The following ST3GAL3 variants were observed in gnomAD, a reference collection of about 807,000 sequenced individuals.
ST3GAL3 encodes the protein CMP-N-acetylneuraminate-beta-1,4-galactoside alpha-2,3-sialyltransferase.
Under a neutral mutation model 50.1 loss-of-function variants are expected in ST3GAL3, and 21 were observed. That is an observed-to-expected ratio of 0.42 (90% CI 0.30 to 0.60). ST3GAL3 has a LOEUF of 0.60. Among genes scored for constraint, ST3GAL3 ranks in the 20% least tolerant of loss-of-function variants. The pLI is 0.19. For synonymous variants in ST3GAL3, 183 were observed against 190.0 expected (o/e 0.96, Z 0.30); for missense variants, 353 against 489.4 (o/e 0.72, Z 2.63).
intron 1 of ST3GAL3, among the ~76,000 whole-genome samples, chr1:43,710,615 T>G (rs968467965): frequency 2.0e-5 from 3 of 152,266 alleles, no homozygotes; most frequent in African/African-American, 7.2e-5. Flanking sequence ...ACTGATTTCT[T>G]GCCATTCTGT....
chr1:43,830,129 C>T (rs1485325578), intron 4 of ST3GAL3, among the ~76,000 whole-genome samples: 1 of 150,722 alleles, frequency 6.6e-6, no homozygotes, highest in Non-Finnish European at 1.5e-5. Flanking sequence ...CCTCCCCGGC[C>T]CAAGCAATCC....
At chr1:43,838,164 A>T in intron 4 of ST3GAL3, 55 bp from the exon 5 acceptor site, 1 of 1,146,810 alleles carries the variant, frequency 8.7e-7, no homozygotes, top group Non-Finnish European at 1.3e-6. Flanking sequence ...ATGAATTAAT[A>T]ACCCACTCAG....
chr1:43,815,062 G>GC, intron 4 of ST3GAL3, 129 bp downstream of exon 4: 1 of 936,340 alleles, frequency 1.1e-6, no homozygotes, highest in Non-Finnish European at 1.8e-6. Flanking sequence ...CTGTCCTCAG[G>GC]CTGTCAGCAG....
chr1:43,746,824 G>A (rs1375717614), intron 2 of ST3GAL3, among the ~76,000 whole-genome samples: 1 of 149,808 alleles, frequency 6.7e-6, no homozygotes, highest in Non-Finnish European at 1.5e-5. Flanking sequence ...GTGCAGTGGC[G>A]CCATCTCGGC....
At chr1:43,916,145 G>A (rs907945925) in intron 9 of ST3GAL3, among the ~76,000 whole-genome samples, 9 of 152,144 alleles carry the variant, frequency 5.9e-5, no homozygotes, top group Admixed American at 3.3e-4. Flanking sequence ...ATTAATGCTC[G>A]CTGAATAAGT....
chr1:43,747,344 G>A (rs545840219), intron 2 of ST3GAL3, among the ~76,000 whole-genome samples: 15 of 151,886 alleles, frequency 9.9e-5, no homozygotes, highest in Non-Finnish European at 1.8e-4. Flanking sequence ...CCCAGGAGGC[G>A]GATATTGCAG....
chr1:43,733,837 C>T (rs139745416), intron 1 of ST3GAL3, among the ~76,000 whole-genome samples: 2,955 of 152,316 alleles, frequency 0.019, 51 homozygotes, highest in Middle Eastern at 0.048. Context: ...CCTCTTTCAC[C>T]GGGCGTGGTG....
rs558022447 is a variant in ST3GAL3 at position 43,791,973 on chromosome 1, G to A, written c.119-129G>A. On this transcript the variant is annotated intron_variant, in intron 2 of 11. Transcript: ENST00000347631. ...GGATGGGTGGGCATGGGCCTGGGAG[G>A]CTGGGCTGTTCGACTGAGTTCCCTT... The A allele has an allele frequency of 1.8e-5, 19 of 1,084,074 alleles. No homozygotes were observed. The East Asian group carries it at 4.6e-4, about 26-fold the overall frequency. 67.2% of individuals were successfully genotyped at this position (1,084,074 alleles called of 1,614,324 possible).
chr1:43,881,727 G>A (rs992267551), intron 5 of ST3GAL3, among the ~76,000 whole-genome samples: 4 of 152,100 alleles, frequency 2.6e-5, no homozygotes, highest in Admixed American at 6.5e-5. Flanking sequence ...GTCTGGACAC[G>A]GATGTGGCCA....
chr1:43,925,594 C>G (rs1190586847), intron 11 of ST3GAL3, among the ~76,000 whole-genome samples: 1 of 152,232 alleles, frequency 6.6e-6, no homozygotes, highest in African/African-American at 2.4e-5. Context: ...TAGAATCCCT[C>G]TGTTACCTGG....
chr1:43,852,212 G>A (rs758248089), intron 5 of ST3GAL3, among the ~76,000 whole-genome samples: 5 of 152,114 alleles, frequency 3.3e-5, no homozygotes, highest in African/African-American at 9.7e-5. Flanking sequence ...TTCCTCCCTC[G>A]AGTATTGCTC....
At chr1:43,870,935 T>TC (rs1176234534) in intron 5 of ST3GAL3, among the ~76,000 whole-genome samples, 3 of 152,092 alleles carry the variant, frequency 2.0e-5, no homozygotes, top group Non-Finnish European at 4.4e-5. Context: ...GTGTAGGTTT[T>TC]CCCCAACAGG....
intron 1 of ST3GAL3, among the ~76,000 whole-genome samples, chr1:43,735,334 G>A (rs1289648580): frequency 6.6e-6 from 1 of 152,146 alleles, no homozygotes; most frequent in East Asian, 1.9e-4. Flanking sequence ...ATTAAGGTGG[G>A]CCCAATATAA....
At chr1:43,725,811 T>G (rs930954526) in intron 1 of ST3GAL3, among the ~76,000 whole-genome samples, 4 of 152,100 alleles carry the variant, frequency 2.6e-5, no homozygotes, top group African/African-American at 9.7e-5. Flanking sequence ...CGTGCCTAGC[T>G]AATTTTTGTA....
At chr1:43,898,174 G>A in intron 6 of ST3GAL3, 61 bp from the exon 7 acceptor site, 1 of 1,574,246 alleles carries the variant, frequency 6.4e-7, no homozygotes. Flanking sequence ...AGGATTATCA[G>A]TAAACATTTT....
chr1:43,876,453 C>T (rs897862265), intron 5 of ST3GAL3, among the ~76,000 whole-genome samples: 10 of 152,138 alleles, frequency 6.6e-5, no homozygotes, highest in African/African-American at 9.7e-5. Flanking sequence ...AGTCAAGCAT[C>T]GGGATTGAGG....
At chr1:43,729,929 C>T (rs1402691153) in intron 1 of ST3GAL3, among the ~76,000 whole-genome samples, 1 of 130,242 alleles carries the variant, frequency 7.7e-6, no homozygotes, top group Non-Finnish European at 1.7e-5. Flanking sequence ...AAATCCCTTC[C>T]ACCACCAGTA....
intron 2 of ST3GAL3, among the ~76,000 whole-genome samples, chr1:43,751,921 C>A (rs967067659): frequency 6.6e-6 from 1 of 151,758 alleles, no homozygotes; most frequent in Non-Finnish European, 1.5e-5. Flanking sequence ...CGGGTTCAAG[C>A]GATTCTCCTG....
At chr1:43,886,146 C>G (rs548863413) in intron 5 of ST3GAL3, among the ~76,000 whole-genome samples, 2 of 152,162 alleles carry the variant, frequency 1.3e-5, no homozygotes, top group East Asian at 3.8e-4. Context: ...TTTGGGAGGC[C>G]GAGGCGGGCA....
Sources: gnomAD v4.1 joint callset for allele counts (sites outside exome capture counted in the v4.1 genomes callset) on GRCh38, gnomAD v4.1.1 for gene constraint, MANE v1.5 for transcripts, NCBI Gene and HGNC (gene_info 2026-07-23, HGNC 2026-07-21) for gene names.